Variants in ANKRD36C observed in about 807,000 individuals in gnomAD.
ANKRD36C encodes the protein ankyrin repeat domain-containing protein 36C.
Under a neutral mutation model 276.4 loss-of-function variants are expected in ANKRD36C, and 61 were observed. That is an observed-to-expected ratio of 0.22 (90% CI 0.18 to 0.27). The LOEUF (loss-of-function observed/expected upper bound fraction) is 0.27. Among genes scored for constraint, ANKRD36C ranks in the 10% least tolerant of loss-of-function variants. ANKRD36C has a pLI of 1.00. For missense variants in ANKRD36C, 1,447 were observed against 2,032.3 expected (o/e 0.71, Z 5.54); for synonymous variants, 483 against 680.1 (o/e 0.71, Z 4.51).
chr2:95,959,100 C>A (rs1470637711), intron 10 of ANKRD36C, among the ~76,000 whole-genome samples: 2 of 152,288 alleles, frequency 1.3e-5, no homozygotes, highest in Non-Finnish European at 2.9e-5. Flanking sequence ...AAAATCAGAG[C>A]AGCGACTCAT....
intron 28 of ANKRD36C, among the ~76,000 whole-genome samples, chr2:95,926,543 G>A (rs1291296974): frequency 1.3e-5 from 2 of 151,508 alleles, no homozygotes; most frequent in Non-Finnish European, 3.0e-5. Flanking sequence ...TCAACAAAAT[G>A]TATATCTCTG....
At chr2:95,950,496 T>C (rs878864041) in intron 16 of ANKRD36C, among the ~76,000 whole-genome samples, 9 of 132,944 alleles carry the variant, frequency 6.8e-5, no homozygotes, top group South Asian at 5.1e-4. Flanking sequence ...TGGTCTAATG[T>C]TGGGTTGGCT....
intron 22 of ANKRD36C, among the ~76,000 whole-genome samples, chr2:95,938,170 C>A (rs1017958730): frequency 6.6e-6 from 1 of 152,270 alleles, no homozygotes; most frequent in Non-Finnish European, 1.5e-5. Flanking sequence ...TTTTAATGTG[C>A]ATTGCAGTGA....
chr2:95,890,841 A>T (rs886687606), intron 46 of ANKRD36C, among the ~76,000 whole-genome samples: 2 of 151,494 alleles, frequency 1.3e-5, no homozygotes, highest in Non-Finnish European at 3.0e-5. Flanking sequence ...TCTAAAATAG[A>T]CTTTTTGGGA....
chr2:95,932,404 G>C (rs1352192818), intron 24 of ANKRD36C, among the ~76,000 whole-genome samples: 1 of 152,184 alleles, frequency 6.6e-6, no homozygotes, highest in African/African-American at 2.4e-5. Context: ...GGATAGATCT[G>C]AAATATATAT....
At chr2:95,873,103 TA>T (rs1230097149) in intron 59 of ANKRD36C, among the ~76,000 whole-genome samples, 5 of 152,196 alleles carry the variant, frequency 3.3e-5, no homozygotes, top group African/African-American at 1.2e-4. Flanking sequence ...GAGGAAGTGA[TA>T]CCCTTCCTTC....
intron 42 of ANKRD36C, chr2:95,910,387 T>C (rs1676877829): frequency 6.5e-7 from 1 of 1,543,402 alleles, no homozygotes; most frequent in South Asian, 1.2e-5. Context: ...CCTAGATTTT[T>C]CTCCATCCTT....
In ANKRD36C at chr2:95,891,751, G is replaced by T; in HGVS notation, c.2785-14C>A. 6.4e-7 allele frequency: 1 copy of T among 1,574,776 alleles called. No homozygotes were observed. The highest frequency in any genetic ancestry group is 8.6e-7 in the Non-Finnish European group (1 of 1,158,612). The stretch of plus-strand genomic sequence containing the variant: ...GTCACTTGTAGCCTGAATGGAATTT[G>T]AAATGAAATAATAAATTAATAAAGT... On this transcript the variant is annotated splice_polypyrimidine_tract_variant and intron_variant, in intron 45 of 66. Transcript: ENST00000456556.
intron 34 of ANKRD36C, among the ~76,000 whole-genome samples, chr2:95,921,300 A>C (rs1236552662): frequency 6.6e-6 from 1 of 150,796 alleles, no homozygotes; most frequent in Non-Finnish European, 1.5e-5. Context: ...TAGTGAAACC[A>C]TGCTGTAGAA....
At chr2:95,917,780 G>A (rs577388907) in intron 36 of ANKRD36C, 75 bp downstream of exon 38, 19 of 1,518,542 alleles carry the variant, frequency 1.3e-5, no homozygotes, top group East Asian at 4.9e-5. Context: ...ACCGCCCTCC[G>A]CTGATTTATT....
intron 6 of ANKRD36C, among the ~76,000 whole-genome samples, chr2:95,969,180 AC>A (rs1678651435): frequency 6.6e-6 from 1 of 151,958 alleles, no homozygotes; most frequent in Non-Finnish European, 1.5e-5. Flanking sequence ...GGAAGTCCCA[AC>A]CCTCTAATCA....
chr2:95,957,810 C>G (rs993701767), intron 12 of ANKRD36C, among the ~76,000 whole-genome samples: 2 of 152,228 alleles, frequency 1.3e-5, no homozygotes, highest in African/African-American at 4.8e-5. Flanking sequence ...CATTAAATTG[C>G]TATTTTATCC....
At chr2:95,879,545 C>A (rs35056623) in intron 58 of ANKRD36C, among the ~76,000 whole-genome samples, 8,618 of 151,942 alleles carry the variant, frequency 0.057, 350 homozygotes, top group East Asian at 0.18. Flanking sequence ...CTGTATCAAA[C>A]TATCTCATCT....
chr2:95,913,973 T>C, intron 40 of ANKRD36C, 135 bp downstream of exon 42: 1 of 980,198 alleles, frequency 1.0e-6, no homozygotes, highest in Non-Finnish European at 1.5e-6. Context: ...CCCAAGAACT[T>C]ATTTGAAATG....
chr2:95,872,648 G>T (rs1573730772), intron 59 of ANKRD36C, among the ~76,000 whole-genome samples: 1 of 151,690 alleles, frequency 6.6e-6, no homozygotes, highest in East Asian at 1.9e-4. Context: ...CTAGCAGAAG[G>T]CAAGAAATAA....
chr2:95,865,486 T>A (rs1260478561), intron 60 of ANKRD36C, among the ~76,000 whole-genome samples: 1 of 152,092 alleles, frequency 6.6e-6, no homozygotes, highest in Non-Finnish European at 1.5e-5. Flanking sequence ...AGGTACAGGC[T>A]GAGTATCCCT....
chr2:95,882,407 A>G, intron 55 of ANKRD36C, 33 bp from the exon 76 acceptor site: 1 of 1,547,198 alleles, frequency 6.5e-7, no homozygotes, highest in Non-Finnish European at 8.7e-7. Context: ...TAGTCAATAC[A>G]TAATATATAT....
chr2:95,945,474 T>G (rs1678021527), intron 17 of ANKRD36C, among the ~76,000 whole-genome samples: 1 of 151,752 alleles, frequency 6.6e-6, no homozygotes, highest in Admixed American at 6.6e-5. Context: ...AAAAATTTAC[T>G]CATCTGTAAT....
chr2:95,865,556 T>C (rs185920870), intron 60 of ANKRD36C, among the ~76,000 whole-genome samples: 58 of 152,222 alleles, frequency 3.8e-4, no homozygotes, highest in African/African-American at 1.3e-3. Context: ...TATTTGCATA[T>C]ACATGATGAG....
Sources: allele counts gnomAD v4.1 joint callset (sites outside exome capture counted in the v4.1 genomes callset), GRCh38; gene constraint gnomAD v4.1.1; transcripts MANE v1.5; gene names NCBI Gene and HGNC (gene_info 2026-07-23, HGNC 2026-07-21).